The following NPLOC4 variants were observed in gnomAD, a reference collection of about 807,000 sequenced individuals.
NPLOC4 encodes nuclear protein localization protein 4 homolog.
NPLOC4 carries 18 observed loss-of-function variants against 80.6 expected under a neutral mutation model. The ratio of observed to expected loss-of-function variants is 0.22; its 90% CI spans 0.15 to 0.33. The LOEUF (loss-of-function observed/expected upper bound fraction) is 0.33, where lower values mean the gene tolerates loss of function less well. NPLOC4 is among the 10% of genes least tolerant of loss of function. The probability of loss-of-function intolerance (pLI) is 1.00; values close to 1 mark genes in which losing one functional copy is unlikely to be tolerated. For missense variants in NPLOC4, 540 were observed against 786.1 expected (o/e 0.69, Z 3.74); for synonymous variants, 313 against 301.5 (o/e 1.04, Z -0.39).
chr17:81,617,247 T>G (rs2035520201), intron 3 of NPLOC4, among the ~76,000 whole-genome samples: 1 of 151,664 alleles, frequency 6.6e-6, no homozygotes, highest in Non-Finnish European at 1.5e-5. Context: ...ACAGACAGAT[T>G]TAGGGGGAAA....
chr17:81,601,952 G>C (rs1489840747), intron 8 of NPLOC4, among the ~76,000 whole-genome samples: 2 of 152,128 alleles, frequency 1.3e-5, no homozygotes, highest in Non-Finnish European at 2.9e-5. Context: ...TGCCTCCCAG[G>C]CAGGTTATCT....
chr17:81,608,246 A>G (rs560991570), intron 6 of NPLOC4, among the ~76,000 whole-genome samples: 9 of 152,344 alleles, frequency 5.9e-5, no homozygotes, highest in African/African-American at 2.2e-4. Context: ...CTCACAGGGT[A>G]GTTGTTTTTC....
intron 6 of NPLOC4, among the ~76,000 whole-genome samples, chr17:81,607,289 C>T (rs2035227506): frequency 6.6e-6 from 1 of 151,584 alleles, no homozygotes; most frequent in African/African-American, 2.4e-5. Context: ...CTTTACTCTG[C>T]TTTAGGCTAA....
At chr17:81,590,148 C>T (rs2034699791) in intron 11 of NPLOC4, among the ~76,000 whole-genome samples, 1 of 152,244 alleles carries the variant, frequency 6.6e-6, no homozygotes, top group African/African-American at 2.4e-5. Flanking sequence ...AGAGTTAATG[C>T]CACCAGGCGT....
Position 81,575,389 on chromosome 17 carries a change from C to T in NPLOC4, c.1282-3301G>A, listed in dbSNP as rs1483374512. ...GTGCTGGGACTACAGGCGTGAGCCA[C>T]AGCGCCCAGCTGACACTTGGTTTCT... On this transcript the variant is annotated intron_variant, in intron 12 of 16. Coordinates refer to ENST00000331134, the MANE Select transcript of NPLOC4 (RefSeq NM_017921.4). Among the ~76,000 whole-genome samples the T allele has an allele frequency of 3.3e-5, 5 of 152,354 alleles. No homozygotes were observed. In the East Asian group the frequency reaches 9.6e-4, roughly 29 times the overall value.
intron 2 of NPLOC4, among the ~76,000 whole-genome samples, chr17:81,623,797 C>CA (rs530906357): frequency 8.4e-4 from 85 of 101,134 alleles, no homozygotes; most frequent in African/African-American, 1.8e-3. Context: ...GACTCCGTCT[C>CA]AAAAAAAAAA....
At chr17:81,594,509 G>A (rs890146002) in intron 11 of NPLOC4, among the ~76,000 whole-genome samples, 11 of 151,984 alleles carry the variant, frequency 7.2e-5, no homozygotes, top group Non-Finnish European at 1.6e-4. Flanking sequence ...AGGCGCAGTG[G>A]CTCACGCCTG....
At chr17:81,597,568 C>T (rs961126915) in intron 9 of NPLOC4, among the ~76,000 whole-genome samples, 24 of 151,304 alleles carry the variant, frequency 1.6e-4, no homozygotes, top group African/African-American at 5.3e-4. Flanking sequence ...GTGGATCACC[C>T]GAGGTCGGGA....
chr17:81,571,462 C>T (rs2034158742), intron 13 of NPLOC4, among the ~76,000 whole-genome samples: 1 of 152,222 alleles, frequency 6.6e-6, no homozygotes, highest in Non-Finnish European at 1.5e-5. Context: ...CCTGGAGTTC[C>T]ACCCAGTAAA....
intron 8 of NPLOC4, among the ~76,000 whole-genome samples, chr17:81,601,980 TC>T (rs1300694243): frequency 1.3e-5 from 2 of 151,770 alleles, no homozygotes; most frequent in African/African-American, 4.8e-5. Context: ...AGGCTAGCCA[TC>T]CGGTGATCTC....
At chr17:81,622,606 A>G (rs1254365486) in intron 2 of NPLOC4, among the ~76,000 whole-genome samples, 1 of 152,194 alleles carries the variant, frequency 6.6e-6, no homozygotes, top group Non-Finnish European at 1.5e-5. Flanking sequence ...GCTGGAGTAC[A>G]GTGGCATGAT....
intron 11 of NPLOC4, among the ~76,000 whole-genome samples, chr17:81,590,227 A>G (rs1192704399): frequency 1.3e-5 from 2 of 152,198 alleles, no homozygotes; most frequent in Non-Finnish European, 2.9e-5. Context: ...CAGCTCCTCC[A>G]TGGTTTCACC....
chr17:81,573,353 ATGTCAGG>A (rs2144067152), intron 12 of NPLOC4: 1 of 152,264 alleles, frequency 6.6e-6, no homozygotes, highest in South Asian at 2.1e-4. Context: ...CTTCCTGGGG[ATGTCAGG>A]AAGCCCCGCT....
chr17:81,589,601 GCA>G (rs1222497581), intron 11 of NPLOC4, among the ~76,000 whole-genome samples: 2 of 151,516 alleles, frequency 1.3e-5, no homozygotes, highest in Admixed American at 1.3e-4. Context: ...ACAAGACCTA[GCA>G]CAGTCAGGAC....
chr17:81,570,402 C>A (rs2034130049), intron 13 of NPLOC4, among the ~76,000 whole-genome samples: 1 of 152,226 alleles, frequency 6.6e-6, no homozygotes, highest in East Asian at 1.9e-4. Context: ...CCTGCAGAGA[C>A]AAAAGCCTGG....
intron 9 of NPLOC4, among the ~76,000 whole-genome samples, chr17:81,599,059 C>T (rs575950046): frequency 2.0e-5 from 3 of 152,294 alleles, no homozygotes; most frequent in African/African-American, 4.8e-5. Flanking sequence ...GAGACCAAGG[C>T]GGGTGGATCA....
chr17:81,596,031 G>A, intron 11 of NPLOC4, 85 bp downstream of exon 11: 2 of 1,382,106 alleles, frequency 1.4e-6, no homozygotes, highest in Non-Finnish European at 1.0e-6. Flanking sequence ...GTATAACTAA[G>A]TTAAGGATAA....
chr17:81,615,289 G>A (rs1160247321), intron 3 of NPLOC4, among the ~76,000 whole-genome samples: 1 of 151,666 alleles, frequency 6.6e-6, no homozygotes, highest in Admixed American at 6.6e-5. Context: ...TAATAGAGAC[G>A]GGGTTTCTCC....
chr17:81,601,449 C>T (rs1441500022), intron 8 of NPLOC4, among the ~76,000 whole-genome samples: 1 of 152,144 alleles, frequency 6.6e-6, no homozygotes, highest in African/African-American at 2.4e-5. Context: ...TTAGTAGAAA[C>T]GGGGTTTTGC....
Sources: gnomAD v4.1 joint callset for allele counts (sites outside exome capture counted in the v4.1 genomes callset) on GRCh38, gnomAD v4.1.1 for gene constraint, MANE v1.5 for transcripts, NCBI Gene and HGNC (gene_info 2026-07-23, HGNC 2026-07-21) for gene names.